KLHL1: variants seen among roughly 807,000 people sequenced by gnomAD.
KLHL1 encodes the protein kelch like family member 1, also known as kelch-like protein 1.
A neutral mutation model predicts 77.7 loss-of-function variants in KLHL1; 47 were observed. The ratio of observed to expected loss-of-function variants is 0.60; its 90% CI spans 0.48 to 0.77. The LOEUF (loss-of-function observed/expected upper bound fraction) is 0.77. Among genes scored for constraint, KLHL1 ranks in the 30% least tolerant of loss-of-function variants. KLHL1 has a pLI of 0.00. For missense variants in KLHL1, 925 were observed against 910.8 expected (o/e 1.02, Z -0.20); for synonymous variants, 360 against 325.2 (o/e 1.11, Z -1.15).
chr13:69,819,865 A>G (rs770534944), intron 6 of KLHL1, among the ~76,000 whole-genome samples: 10 of 152,094 alleles, frequency 6.6e-5, no homozygotes, highest in Admixed American at 2.0e-4. Context: ...TCAGTTTGAG[A>G]GTCTCAGCTT....
rs528181993 is a variant in KLHL1 at position 70,072,020 on chromosome 13, C to T, written c.497+35183G>A. 1.1e-3 allele frequency among the ~76,000 whole-genome samples: 172 copies of T among 152,002 alleles called. 1 individual carries two copies. The highest frequency in any genetic ancestry group is 0.01 in the Middle Eastern group (3 of 294). The stretch of plus-strand genomic sequence containing the variant: ...ACAAAAACAGGGAAGATCAAAGAAA[C>T]CAAAAGCTAGCTTGAAGATTTATAA... On this transcript the variant is annotated intron_variant, in intron 1 of 10. Coordinates refer to ENST00000377844, the MANE Select transcript of KLHL1 (RefSeq NM_020866.3).
At chr13:69,922,562 ACCT>A (rs1427163243) in intron 4 of KLHL1, among the ~76,000 whole-genome samples, 1 of 152,158 alleles carries the variant, frequency 6.6e-6, no homozygotes, top group Non-Finnish European at 1.5e-5. Context: ...AAGGAAAGTA[ACCT>A]CCTAATTTAA....
chr13:69,821,694 T>G (rs1878342574), intron 6 of KLHL1, among the ~76,000 whole-genome samples: 1 of 152,172 alleles, frequency 6.6e-6, no homozygotes, highest in Non-Finnish European at 1.5e-5. Flanking sequence ...GTATATCTGA[T>G]TTAACTTATC....
At chr13:69,739,576 A>G (rs975117260) in intron 8 of KLHL1, among the ~76,000 whole-genome samples, 3 of 152,262 alleles carry the variant, frequency 2.0e-5, no homozygotes, top group Non-Finnish European at 4.4e-5. Flanking sequence ...AATGGAAAAC[A>G]GAAAAAAGCA....
chr13:69,733,013 A>G (rs1467398194), intron 8 of KLHL1, among the ~76,000 whole-genome samples: 3 of 152,122 alleles, frequency 2.0e-5, no homozygotes, highest in Non-Finnish European at 4.4e-5. Flanking sequence ...AGTTGATTAA[A>G]TTACAATATA....
chr13:70,107,274 C>A lies in KLHL1; in HGVS notation c.426G>T (p.Gly142=). The change falls in exon 1 of 11, where the codon GGG becomes GGT. Residue 142 remains glycine (G), a synonymous_variant. Coordinates refer to ENST00000377844, the MANE Select transcript of KLHL1 (RefSeq NM_020866.3). Reference sequence around the variant, plus strand: ...CCACTTTGAGCTCTTGCAGAACCAGCCCTTTTTCGTGTGGTCCAGGAAAGT... The same window carrying A: ...CCACTTTGAGCTCTTGCAGAACCAGACCTTTTTCGTGTGGTCCAGGAAAGT... ...GMDFPGPHEK[G]LVLQELKVEP... 6.2e-7 allele frequency: 1 copy of A among 1,614,130 alleles called. No homozygotes were observed. Among genetic ancestry groups the A allele is most frequent in the Non-Finnish European group, 8.5e-7 (1 of 1,180,014 alleles).
Position 70,068,285 on chromosome 13 carries a change from G to C in KLHL1, c.497+38918C>G, listed in dbSNP as rs375865357. Among the ~76,000 whole-genome samples the C allele has an allele frequency of 3.4e-4, 52 of 152,122 alleles. 1 individual carries two copies. The East Asian group carries it at 9.7e-3, about 28-fold the overall frequency. ...GAACCCGGGAGGCGGAGCTTGCAGT[G>C]AGCCGAGATCGCGCCACTGCACTCC... On this transcript the variant is annotated intron_variant, in intron 1 of 10. Coordinates refer to ENST00000377844, the MANE Select transcript of KLHL1 (RefSeq NM_020866.3).
At chr13:69,904,687 A>G (rs1881990136) in intron 4 of KLHL1, among the ~76,000 whole-genome samples, 1 of 152,196 alleles carries the variant, frequency 6.6e-6, no homozygotes, top group Non-Finnish European at 1.5e-5. Context: ...AGTAAATAAT[A>G]CAACTTTACA....
intron 1 of KLHL1, among the ~76,000 whole-genome samples, chr13:70,065,560 A>G (rs1256520347): frequency 6.6e-6 from 1 of 152,236 alleles, no homozygotes; most frequent in Non-Finnish European, 1.5e-5. Context: ...ATCTTTTATT[A>G]ACACTGGAAA....
At chr13:69,981,268 T>G (rs1005481679) in intron 1 of KLHL1, among the ~76,000 whole-genome samples, 8 of 152,084 alleles carry the variant, frequency 5.3e-5, no homozygotes, top group Non-Finnish European at 1.0e-4. Context: ...TTAAAACCAT[T>G]TAAATAAATA....
chr13:70,084,458 C>CTTTTT (rs1386556599), intron 1 of KLHL1, among the ~76,000 whole-genome samples: 8 of 62,756 alleles, frequency 1.3e-4, no homozygotes, highest in African/African-American at 5.6e-4. Context: ...TCTATTTCTT[C>CTTTTT]TTCTTCTTTT....
chr13:69,877,050 T>A (rs1483245417), intron 5 of KLHL1, among the ~76,000 whole-genome samples: 1 of 151,738 alleles, frequency 6.6e-6, no homozygotes, highest in Non-Finnish European at 1.5e-5. Flanking sequence ...AAAAAAAAGA[T>A]ATAAACACTA....
At chr13:70,032,622 A>T (rs1010228803) in intron 1 of KLHL1, among the ~76,000 whole-genome samples, 2 of 152,226 alleles carry the variant, frequency 1.3e-5, no homozygotes, top group Non-Finnish European at 1.5e-5. Context: ...CCATTAAATG[A>T]TTAAATGCTC....
chr13:69,818,454 C>T lies in KLHL1; in HGVS notation c.1414+20522G>A, dbSNP rs112841604. Among the ~76,000 whole-genome samples the T allele has an allele frequency of 4.4e-3, 673 of 151,948 alleles. 9 individuals are homozygous for T. Among genetic ancestry groups the T allele is most frequent in the African/African-American group, 0.016 (646 of 41,402 alleles). On this transcript the variant is annotated intron_variant, in intron 6 of 10. Transcript: ENST00000377844. ...CAGGCTGGTCTCCATCTCTTGACCT[C>T]GTGATCCACCCACCTCGGCCTCCCA...
At chr13:69,755,510 T>C (rs1417749566) in intron 7 of KLHL1, among the ~76,000 whole-genome samples, 4 of 152,104 alleles carry the variant, frequency 2.6e-5, no homozygotes, top group Non-Finnish European at 5.9e-5. Context: ...ATTAAAATAT[T>C]ACTTATGTAG....
At position 69,784,486 on chromosome 13, in the gene KLHL1, A is replaced by G. The variant is rs1309404733; in HGVS notation, c.1639+12252T>C. Among the ~76,000 whole-genome samples the G allele has an allele frequency of 8.5e-5, 13 of 152,174 alleles. 1 individual carries two copies. The highest frequency in any genetic ancestry group is 3.1e-4 in the African/African-American group (13 of 41,512). On this transcript the variant is annotated intron_variant, in intron 7 of 10. Transcript: ENST00000377844. ...ATAGGCTCAAAATAAAGGGATGGAGAAAGATCTACCAAGCAAATGGAAAAC... is the reference window on the plus strand; with the variant it reads ...ATAGGCTCAAAATAAAGGGATGGAGGAAGATCTACCAAGCAAATGGAAAAC...
At chr13:69,722,116 C>T (rs1479684669) in intron 8 of KLHL1, among the ~76,000 whole-genome samples, 3 of 151,994 alleles carry the variant, frequency 2.0e-5, no homozygotes, top group Non-Finnish European at 4.4e-5. Flanking sequence ...CCTAGCACAG[C>T]TCTCGTACAT....
In KLHL1 at chr13:69,706,241, T is replaced by G. The variant is rs201355500; in HGVS notation, c.2187+1384A>C. The stretch of plus-strand genomic sequence containing the variant: ...AGAAAATAACAAGACTTAGATCTCT[T>G]GATATTTCCCCTTCTTTTCTCTACT... On this transcript the variant is annotated intron_variant, in intron 10 of 10. Transcript: ENST00000377844. Among the ~76,000 whole-genome samples, 24 of 151,972 alleles carry G rather than the reference T, an allele frequency of 1.6e-4. No homozygotes were observed. In the East Asian group the frequency reaches 4.6e-3, roughly 29 times the overall value.
intron 1 of KLHL1, among the ~76,000 whole-genome samples, chr13:70,083,909 A>C (rs1240384057): frequency 6.6e-6 from 1 of 152,140 alleles, no homozygotes; most frequent in African/African-American, 2.4e-5. Flanking sequence ...ATAGTAAAAT[A>C]AAATACAGGA....
Sources: allele counts gnomAD v4.1 joint callset (sites outside exome capture counted in the v4.1 genomes callset), GRCh38; gene constraint gnomAD v4.1.1; transcripts MANE v1.5; gene names NCBI Gene and HGNC (gene_info 2026-07-23, HGNC 2026-07-21).